Variants in EFHB observed in about 807,000 individuals in gnomAD.
EFHB encodes the protein EF-hand domain-containing family member B.
EFHB carries 91 observed loss-of-function variants against 87.2 expected under a neutral mutation model. The observed-to-expected ratio is 1.04, with a 90% CI of 0.88 to 1.24. The LOEUF (loss-of-function observed/expected upper bound fraction) is 1.24, where lower values mean the gene tolerates loss of function less well. Among genes scored for constraint, EFHB ranks in the 50% most tolerant of loss-of-function variants. The pLI is 0.00. For missense variants in EFHB, 1,084 were observed against 998.8 expected (o/e 1.09, Z -1.15); for synonymous variants, 325 against 333.6 (o/e 0.97, Z 0.28).
intron 6 of EFHB, among the ~76,000 whole-genome samples, chr3:19,900,623 T>C (rs182290559): frequency 5.5e-4 from 84 of 152,238 alleles, no homozygotes; most frequent in Admixed American, 1.9e-3. Context: ...ATAATCCAGA[T>C]AGCAATTAAA....
At chr3:19,912,525 C>T (rs1337051361) in intron 5 of EFHB, among the ~76,000 whole-genome samples, 1 of 152,068 alleles carries the variant, frequency 6.6e-6, no homozygotes, top group South Asian at 2.1e-4. Flanking sequence ...CCTGAAGGTG[C>T]AAAACTCACT....
chr3:19,882,878 G>T, intron 11 of EFHB, 147 bp from the exon 12 acceptor site: 1 of 522,552 alleles, frequency 1.9e-6, no homozygotes, highest in Non-Finnish European at 2.9e-6. Flanking sequence ...AAACATTTTA[G>T]TAAAAAAAGG....
At chr3:19,941,040 C>G (rs765583783) in intron 1 of EFHB, 1 of 338,762 alleles carries the variant, frequency 3.0e-6, no homozygotes, top group Non-Finnish European at 5.6e-6. Context: ...TGTTGCCAGA[C>G]AGAATGGCTG....
intron 1 of EFHB, among the ~76,000 whole-genome samples, chr3:19,931,861 C>T (rs150159089): frequency 5.3e-5 from 8 of 152,264 alleles, no homozygotes; most frequent in African/African-American, 1.9e-4. Context: ...AAGAACTCAC[C>T]TTATTGACAT....
At chr3:19,912,109 A>G (rs897877336) in intron 5 of EFHB, among the ~76,000 whole-genome samples, 43 of 152,316 alleles carry the variant, frequency 2.8e-4, no homozygotes, top group Admixed American at 2.4e-3. Flanking sequence ...GTTATAGAAC[A>G]CCAAGCAGAT....
chr3:19,890,224 T>C (rs1694257710), intron 9 of EFHB, among the ~76,000 whole-genome samples: 1 of 152,184 alleles, frequency 6.6e-6, no homozygotes, highest in Non-Finnish European at 1.5e-5. Flanking sequence ...TAAATATTTC[T>C]TACTTACTAG....
rs1236498140 is a variant in EFHB, at chr3:19,933,501, T to C, written c.518A>G (p.Lys173Arg). 5.0e-6 allele frequency: 8 copies of C among 1,613,834 alleles called. No individual in the cohort carries two copies. The highest frequency in any genetic ancestry group is 5.1e-6 in the Non-Finnish European group (6 of 1,179,880). The change falls in exon 1 of 13, where the codon AAA becomes AGA. Residue 173 changes from lysine to arginine, a missense_variant. By Grantham distance (26) the Lys-to-Arg change is conservative. Transcript: ENST00000295824. ...FVMEPRQEMEKESTCVLMKPN... is the reference protein window; with the variant it reads ...FVMEPRQEMERESTCVLMKPN... ...TTTCATTAAAACACAGGTAGACTCT[T>C]TTTCCATTTCCTGTCTTGGTTCCAT...
At chr3:19,904,584 T>C (rs745620024) in intron 6 of EFHB, among the ~76,000 whole-genome samples, 27 of 152,244 alleles carry the variant, frequency 1.8e-4, no homozygotes, top group Non-Finnish European at 3.5e-4. Context: ...CACCAATGTC[T>C]ATCTCCATCT....
In EFHB at chr3:19,939,373, T is replaced by C. The variant is rs1180546273; in HGVS notation, c.-31-3039A>G. ...CACTCAAACTGGGTTGGGTCTCCTT[T>C]TTTTTTTTTTTTTTTTTTTTTTTTT... On this transcript the variant is annotated intron_variant, in intron 1 of 14. Coordinates refer to the EFHB transcript ENST00000344838. Among the ~76,000 whole-genome samples, 4 of 71,596 alleles carry C rather than the reference T, an allele frequency of 5.6e-5. 1 individual carries two copies. The highest frequency in any genetic ancestry group is 2.3e-4 in the African/African-American group (4 of 17,230). 47.0% of individuals were successfully genotyped at this position (71,596 alleles called of 152,430 possible).
chr3:19,944,722 G>A (rs1173533085), intron 1 of EFHB, among the ~76,000 whole-genome samples: 2 of 151,824 alleles, frequency 1.3e-5, no homozygotes, highest in African/African-American at 2.4e-5. Context: ...ATACTGGAAC[G>A]ATGAAATAGG....
chr3:19,882,872 AT>A, intron 11 of EFHB, 141 bp from the exon 12 acceptor site: 1 of 608,730 alleles, frequency 1.6e-6, no homozygotes, highest in Non-Finnish European at 2.4e-6. Context: ...AAATTCAAAC[AT>A]TTTAGTAAAA....
At chr3:19,882,498 G>A (rs2071702132) in intron 12 of EFHB, 52 bp downstream of exon 12, 1 of 1,377,496 alleles carries the variant, frequency 7.3e-7, no homozygotes, top group African/African-American at 1.5e-5. Flanking sequence ...TTCTAAAATA[G>A]TAGTTGTTGA....
intron 9 of EFHB, chr3:19,896,453 G>T: frequency 1.7e-6 from 1 of 591,104 alleles, no homozygotes; most frequent in Non-Finnish European, 3.0e-6. Flanking sequence ...AGGTTTTGAA[G>T]GCCATACAGT....
intron 9 of EFHB, among the ~76,000 whole-genome samples, chr3:19,894,170 A>G (rs777984759): frequency 3.3e-5 from 5 of 152,214 alleles, no homozygotes; most frequent in Non-Finnish European, 5.9e-5. Context: ...GTTGTGTTAC[A>G]TATGTTCAAC....
intron 1 of EFHB, among the ~76,000 whole-genome samples, chr3:19,923,651 A>G: frequency 6.6e-6 from 1 of 152,182 alleles, no homozygotes; most frequent in Non-Finnish European, 1.5e-5. Context: ...GTGGGATTAC[A>G]GGCATGAGCC....
intron 1 of EFHB, among the ~76,000 whole-genome samples, chr3:19,945,453 G>T (rs1410982710): frequency 6.6e-6 from 1 of 152,122 alleles, no homozygotes; most frequent in Non-Finnish European, 1.5e-5. Context: ...TCAAATTTGG[G>T]GATTAGATAA....
chr3:19,914,896 C>T (rs192094354), intron 5 of EFHB, among the ~76,000 whole-genome samples: 187 of 151,994 alleles, frequency 1.2e-3, no homozygotes, highest in African/African-American at 4.1e-3. Flanking sequence ...TTCAGAACAG[C>T]GTGGACAACA....
At chr3:19,934,790 T>C (rs1333217766), upstream of EFHB, among the ~76,000 whole-genome samples, 1 of 152,198 alleles carries the variant, frequency 6.6e-6, no homozygotes, top group Non-Finnish European at 1.5e-5. Flanking sequence ...GTAGTTATTT[T>C]AGTGCTAAAA....
chr3:19,934,599 G>A (rs764204081), upstream of EFHB, among the ~76,000 whole-genome samples: 2 of 151,832 alleles, frequency 1.3e-5, no homozygotes, highest in African/African-American at 4.8e-5. Flanking sequence ...GGCTTTCGGC[G>A]CATCAAATGT....
Sources: allele counts gnomAD v4.1 joint callset (sites outside exome capture counted in the v4.1 genomes callset), GRCh38; gene constraint gnomAD v4.1.1; transcripts MANE v1.5; gene names NCBI Gene and HGNC (gene_info 2026-07-23, HGNC 2026-07-21).